ZC3H8: variants seen among roughly 807,000 people sequenced by gnomAD.
ZC3H8 encodes the protein zinc finger CCCH-type containing 8.
Under a neutral mutation model 42.5 loss-of-function variants are expected in ZC3H8, and 27 were observed. The observed-to-expected ratio is 0.64, with a 90% CI of 0.47 to 0.88. ZC3H8 has a LOEUF of 0.88. Ranked by LOEUF, ZC3H8 falls within the 40% of genes least tolerant of loss-of-function variation. The probability of loss-of-function intolerance (pLI) is 0.00; values close to 1 mark genes in which losing one functional copy is unlikely to be tolerated. For synonymous variants in ZC3H8, 101 were observed against 110.1 expected (o/e 0.92, Z 0.52); for missense variants, 277 against 336.1 (o/e 0.82, Z 1.37).
rs1273873541 is a variant in ZC3H8 at position 112,212,230 on chromosome 2, A to T, written c.*4254T>A. 2.6e-5 allele frequency: 4 copies of T among 152,184 alleles called. No homozygotes were observed. Among genetic ancestry groups the T allele is most frequent in the Non-Finnish European group, 5.9e-5 (4 of 68,042 alleles). The allele number at this position is 152,184 out of a possible 1,614,324, so 9.4% of individuals were successfully genotyped here. ...CCTCTTTTATAAGGGCACTAATCCC[A>T]TTCATGAGGGGCTCCACCCTCAAAA... On this transcript the variant is annotated 3_prime_UTR_variant, in exon 9 of 9. Coordinates refer to ENST00000409573, the MANE Select transcript of ZC3H8 (RefSeq NM_032494.3).
chr2:112,229,474 A>T lies in ZC3H8; in HGVS notation c.*15+1429T>A, dbSNP rs144933284. Among the ~76,000 whole-genome samples the T allele has an allele frequency of 7.4e-3, 1,133 of 152,308 alleles. 17 individuals carry two copies. Among genetic ancestry groups the T allele is most frequent in the African/African-American group, 0.026 (1,060 of 41,560 alleles). On this transcript the variant is annotated intron_variant, in intron 8 of 8. Coordinates refer to ENST00000409573, the MANE Select transcript of ZC3H8 (RefSeq NM_032494.3). ...TATGACTTACTTTAGCCAATGGGTT[A>T]TAAGTAAATGTGCTGTAAACAGGGC...
chr2:112,218,400 C>T (rs1558915614), intron 8 of ZC3H8, among the ~76,000 whole-genome samples: 1 of 152,020 alleles, frequency 6.6e-6, no homozygotes, highest in Non-Finnish European at 1.5e-5. Flanking sequence ...ATGGTGCATT[C>T]CTATTAAGGT....
At chr2:112,254,214 A>C in intron 1 of ZC3H8, 1 of 929,552 alleles carries the variant, frequency 1.1e-6, no homozygotes, top group Non-Finnish European at 1.3e-6. Flanking sequence ...GGGAAATAAA[A>C]GACGTAGGTT....
At chr2:112,233,152 T>A in intron 6 of ZC3H8, 108 bp downstream of exon 6, 1 of 651,272 alleles carries the variant, frequency 1.5e-6, no homozygotes. Context: ...TGGGCTTGGA[T>A]AATATCATTT....
At position 112,213,170 on chromosome 2, in the gene ZC3H8, A is replaced by G. The variant is rs915094675; in HGVS notation, c.*3314T>C. The G allele has an allele frequency of 6.6e-6, 1 of 151,850 alleles. No individual in the cohort carries two copies. Among genetic ancestry groups the G allele is most frequent in the Non-Finnish European group, 1.5e-5 (1 of 67,996 alleles). 9.4% of individuals were successfully genotyped at this position (151,850 alleles called of 1,614,324 possible). On this transcript the variant is annotated 3_prime_UTR_variant, in exon 9 of 9. Transcript: ENST00000409573. ...TTTTTTGTAAAGATGAGATCTTGCT[A>G]TGTTGCCAAGGCTGGTCTCAAACTC...
At chr2:112,240,952 A>AGTGT (rs67273091) in intron 2 of ZC3H8, among the ~76,000 whole-genome samples, 1,645 of 142,688 alleles carry the variant, frequency 0.012, 22 homozygotes, top group African/African-American at 0.034. Context: ...TACAGGTAAC[A>AGTGT]GTGTGTGTGT....
At chr2:112,217,655 A>G (rs975976941) in intron 8 of ZC3H8, among the ~76,000 whole-genome samples, 2 of 152,228 alleles carry the variant, frequency 1.3e-5, no homozygotes, top group African/African-American at 4.8e-5. Flanking sequence ...AATATCACCA[A>G]TGAATCTTGC....
chr2:112,248,714 C>T (rs934096297), intron 2 of ZC3H8, among the ~76,000 whole-genome samples: 1 of 152,068 alleles, frequency 6.6e-6, no homozygotes, highest in Non-Finnish European at 1.5e-5. Context: ...AAAAGAAGGG[C>T]AAGATAGGAA....
chr2:112,243,578 CA>C (rs1558931547), intron 2 of ZC3H8, among the ~76,000 whole-genome samples: 1 of 152,054 alleles, frequency 6.6e-6, no homozygotes, highest in Non-Finnish European at 1.5e-5. Flanking sequence ...AATTACCTCA[CA>C]AAGAAGAATC....
intron 2 of ZC3H8, among the ~76,000 whole-genome samples, chr2:112,245,893 T>C (rs1685744742): frequency 3.3e-5 from 5 of 152,154 alleles, no homozygotes; most frequent in Admixed American, 2.0e-4. Flanking sequence ...TGTAACAAAA[T>C]TGCACTTGCA....
intron 2 of ZC3H8, among the ~76,000 whole-genome samples, chr2:112,243,416 G>C (rs1052092592): frequency 2.0e-5 from 3 of 152,102 alleles, no homozygotes; most frequent in Admixed American, 6.5e-5. Flanking sequence ...TCATATTCTG[G>C]TGAACTGATA....
rs936823583 is a variant in ZC3H8, at chr2:112,212,142, T to A, written c.*4342A>T. The A allele has an allele frequency of 3.9e-5, 6 of 152,344 alleles. No individual in the cohort carries two copies. The highest frequency in any genetic ancestry group is 3.9e-4 in the Admixed American group (6 of 15,286). 9.4% of individuals were successfully genotyped at this position (152,344 alleles called of 1,614,324 possible). A position where few individuals can be genotyped will look rare whatever the true frequency, so the allele number is the denominator to read the frequency against. On this transcript the variant is annotated 3_prime_UTR_variant, in exon 9 of 9. Transcript: ENST00000409573. ...GTGTGGTGAGGGCCTGCTTCCTGCT[T>A]TGTAGACAGCCATTTTCTTGCCGTG...
chr2:112,254,949 G>A lies in ZC3H8; in HGVS notation c.33C>T (p.Pro11=). MDFENLFSKP[P]NPALGKTATD... ...TGGCCGTTTTGCCGAGGGCCGGGTT[G>A]GGGGGTTTTGAGAAAAGATTCTCAA... is the stretch of plus-strand genomic sequence containing the variant. Residue 11 remains proline (P), a synonymous_variant, in exon 1 of 9, where the codon CCC becomes CCT. Transcript: ENST00000409573. 3 of 1,612,714 alleles carry A rather than the reference G, an allele frequency of 1.9e-6. No homozygotes were observed. Among genetic ancestry groups the A allele is most frequent in the East Asian group, 2.2e-5 (1 of 44,856 alleles).
rs1485793935 is a variant in ZC3H8 at position 112,215,127 on chromosome 2, T to C, written c.*1357A>G. On this transcript the variant is annotated 3_prime_UTR_variant, in exon 9 of 9. Transcript: ENST00000409573. ...GAGGTAATATTAGGAAGTAAACTGCTAGACTGTAGTATAAGATTAACTACA... is the reference window on the plus strand; with the variant it reads ...GAGGTAATATTAGGAAGTAAACTGCCAGACTGTAGTATAAGATTAACTACA... The C allele has an allele frequency of 6.6e-6, 1 of 152,200 alleles. No homozygotes were observed. Among genetic ancestry groups the C allele is most frequent in the Non-Finnish European group, 1.5e-5 (1 of 68,032 alleles). 9.4% of individuals were successfully genotyped at this position (152,200 alleles called of 1,614,324 possible). A position where few individuals can be genotyped will look rare whatever the true frequency, so the allele number is the denominator to read the frequency against.
chr2:112,233,258 A>T lies in ZC3H8; in HGVS notation c.733+2T>A. ...GTCACCATATCTTGTGATAAAGGAT[A>T]TTATGCAAATACAGACAGTTTTCAC... On this transcript the variant is annotated splice_donor_variant, in intron 6 of 8. Transcript: ENST00000409573. LOFTEE classifies it high-confidence loss of function. 2.0e-6 allele frequency: 3 copies of T among 1,537,984 alleles called. No individual in the cohort carries two copies. Among genetic ancestry groups the T allele is most frequent in the Non-Finnish European group, 2.6e-6 (3 of 1,132,906 alleles).
In ZC3H8 at chr2:112,231,914, G is replaced by A; in HGVS notation, c.767C>T (p.Thr256Ile). 6.3e-7 allele frequency: 1 copy of A among 1,585,460 alleles called. No homozygotes were observed. Among genetic ancestry groups the A allele is most frequent in the African/African-American group, 1.3e-5 (1 of 74,490 alleles). ...GCAGTATTCTCCCTGATAACATTTT[G>A]TTCCTGTATGGTAAAACTTACAAGG... ...EYPCKFYHTG[T>I]KCYQGEYCKF... is the part of the protein sequence containing the mutation. Residue 256 changes from threonine to isoleucine, a missense_variant, in exon 7 of 9, where the codon ACA (threonine) becomes ATA (isoleucine). Thr to Ile is a moderately conservative substitution (Grantham distance 89). Coordinates refer to ENST00000409573, the MANE Select transcript of ZC3H8 (RefSeq NM_032494.3).
intron 2 of ZC3H8, among the ~76,000 whole-genome samples, chr2:112,248,434 C>T (rs536318818): frequency 6.6e-6 from 1 of 152,270 alleles, no homozygotes; most frequent in Middle Eastern, 3.4e-3. Context: ...CTATTAAAGT[C>T]TATTTCTGTC....
intron 8 of ZC3H8, among the ~76,000 whole-genome samples, chr2:112,224,031 C>T (rs1445095251): frequency 6.6e-6 from 1 of 151,996 alleles, no homozygotes; most frequent in Non-Finnish European, 1.5e-5. Flanking sequence ...CCCAGCTACC[C>T]AGGAGGCTGA....
In ZC3H8 at chr2:112,214,067, C is replaced by G. The variant is rs1288070890; in HGVS notation, c.*2417G>C. The G allele has an allele frequency of 1.3e-5, 2 of 151,460 alleles. No homozygotes were observed. Among genetic ancestry groups the G allele is most frequent in the African/African-American group, 4.9e-5 (2 of 41,202 alleles). The allele number at this position is 151,460 out of a possible 1,614,324, so 9.4% of individuals were successfully genotyped here. A position where few individuals can be genotyped will look rare whatever the true frequency, so the allele number is the denominator to read the frequency against. On this transcript the variant is annotated 3_prime_UTR_variant, in exon 9 of 9. Coordinates refer to ENST00000409573, the MANE Select transcript of ZC3H8 (RefSeq NM_032494.3). ...GTTCACACCATTCTCTTGCCTCAGCCTCCCGAGTAGCTGGGACTACAGGTG... is the reference window on the plus strand; with the variant it reads ...GTTCACACCATTCTCTTGCCTCAGCGTCCCGAGTAGCTGGGACTACAGGTG...
Sources: gnomAD v4.1 joint callset for allele counts (sites outside exome capture counted in the v4.1 genomes callset) on GRCh38, gnomAD v4.1.1 for gene constraint, MANE v1.5 for transcripts, NCBI Gene and HGNC (gene_info 2026-07-23, HGNC 2026-07-21) for gene names.